MILR1: variants seen among roughly 807,000 people sequenced by gnomAD.
MILR1 encodes the protein allergin-1.
Under a neutral mutation model 18.5 loss-of-function variants are expected in MILR1, and 31 were observed. The ratio of observed to expected loss-of-function variants is 1.68; its 90% CI spans 1.26 to 2.26. MILR1 has a LOEUF of 2.26. MILR1 is among the 30% of genes most tolerant of loss of function. The probability of loss-of-function intolerance (pLI) is 0.00; values close to 1 mark genes in which losing one functional copy is unlikely to be tolerated. For missense variants in MILR1, 257 were observed against 157.4 expected (o/e 1.63, Z -3.38); for synonymous variants, 85 against 56.2 (o/e 1.51, Z -2.30).
At chr17:64,482,419 T>C in the MILR1 span, among the ~76,000 whole-genome samples, 1 of 151,994 alleles carries the variant, frequency 6.6e-6, no homozygotes, top group African/African-American at 2.4e-5. Flanking sequence ...CCTCCTAGGT[T>C]CAAGTGATTC....
chr17:64,487,244 G>A, the MILR1 span: 6 of 152,158 alleles, frequency 3.9e-5, no homozygotes, highest in Admixed American at 3.9e-4. Flanking sequence ...GCCCTCAAAG[G>A]CAGTAAACTT....
chr17:64,485,670 GAACA>G, the MILR1 span: 1 of 1,351,940 alleles, frequency 7.4e-7, no homozygotes, highest in East Asian at 2.3e-5. Flanking sequence ...CTAACATTAA[GAACA>G]AACAAACCCA....
the MILR1 span, among the ~76,000 whole-genome samples, chr17:64,484,721 C>T: frequency 2.6e-5 from 4 of 152,064 alleles, no homozygotes; most frequent in Non-Finnish European, 5.9e-5. Flanking sequence ...AGCTACAAAC[C>T]ATTTATAAAC....
chr17:64,467,889 C>G, intron 9 of MILR1: 1 of 296,104 alleles, frequency 3.4e-6, no homozygotes, highest in Non-Finnish European at 6.2e-6. Context: ...GAGCCAAGAT[C>G]GTGCCACTGC....
intron 5 of MILR1, among the ~76,000 whole-genome samples, chr17:64,463,231 C>A (rs1157822349): frequency 2.0e-5 from 3 of 151,926 alleles, no homozygotes; most frequent in Non-Finnish European, 4.4e-5. Flanking sequence ...TGGTCTTGAA[C>A]TCCTGGACTC....
intron 3 of MILR1, among the ~76,000 whole-genome samples, chr17:64,455,448 C>T (rs1484720708): frequency 6.6e-5 from 10 of 151,844 alleles, no homozygotes; most frequent in Non-Finnish European, 1.2e-4. Flanking sequence ...CACTGATTCA[C>T]TCATCAAAAA....
intron 4 of MILR1, among the ~76,000 whole-genome samples, chr17:64,460,585 A>C (rs1457485122): frequency 6.6e-6 from 1 of 152,102 alleles, no homozygotes; most frequent in South Asian, 2.1e-4. Flanking sequence ...GCCTCAGGCA[A>C]TCCTCCCACC....
chr17:64,495,770 G>A, the MILR1 span, among the ~76,000 whole-genome samples: 25 of 151,668 alleles, frequency 1.6e-4, no homozygotes, highest in African/African-American at 5.3e-4. Flanking sequence ...GTGCAGTGGC[G>A]TGATCTCGGC....
intron 4 of MILR1, among the ~76,000 whole-genome samples, chr17:64,459,999 TA>T: frequency 2.9e-5 from 2 of 68,802 alleles, no homozygotes; most frequent in Admixed American, 1.6e-4. Context: ...TTATTTTATT[TA>T]TTTATTTATT....
chr17:64,472,465 C>CAAAAAAAAAAAA (rs71158332), downstream of MILR1, among the ~76,000 whole-genome samples: 28 of 13,918 alleles, frequency 2.0e-3, 1 homozygote, highest in African/African-American at 2.8e-3. Context: ...GACTCCATCT[C>CAAAAAAAAAAAA]AAAAAAAAAA....
chr17:64,470,748 G>A (rs1313803753), downstream of MILR1, among the ~76,000 whole-genome samples: 17 of 152,184 alleles, frequency 1.1e-4, no homozygotes, highest in African/African-American at 4.1e-4. Context: ...AGCTGGCTGT[G>A]ATAAATGAGA....
downstream of MILR1, among the ~76,000 whole-genome samples, chr17:64,469,436 C>T (rs1240833085): frequency 2.0e-5 from 3 of 152,274 alleles, no homozygotes; most frequent in Non-Finnish European, 2.9e-5. Context: ...CTGGCTCTGT[C>T]GCCCAGGTTG....
the MILR1 span, chr17:64,491,380 A>G: frequency 3.3e-5 from 19 of 571,084 alleles, no homozygotes; most frequent in African/African-American, 3.0e-4. Flanking sequence ...GGATCACTTG[A>G]GCTTAGGACT....
At chr17:64,486,232 T>G in the MILR1 span, among the ~76,000 whole-genome samples, 2 of 152,322 alleles carry the variant, frequency 1.3e-5, no homozygotes, top group East Asian at 3.9e-4. Context: ...TGGTGCTTGG[T>G]TGGGCTCTAT....
At chr17:64,472,191 T>TA (rs1433947510), downstream of MILR1, among the ~76,000 whole-genome samples, 13 of 151,760 alleles carry the variant, frequency 8.6e-5, no homozygotes. Flanking sequence ...ATCCAAAGAA[T>TA]AACTAGGGGC....
chr17:64,478,072 C>T, the MILR1 span: 4 of 1,400,360 alleles, frequency 2.9e-6, no homozygotes, highest in African/African-American at 1.4e-5. Flanking sequence ...ATTCAGTGTT[C>T]ATGCACTCTC....
At chr17:64,453,889 G>A (rs960975430) in intron 3 of MILR1, among the ~76,000 whole-genome samples, 2 of 151,846 alleles carry the variant, frequency 1.3e-5, no homozygotes, top group South Asian at 2.1e-4. Context: ...TATCCAGTAC[G>A]GTACTGTTTA....
At chr17:64,481,690 T>G in the MILR1 span, among the ~76,000 whole-genome samples, 1 of 151,988 alleles carries the variant, frequency 6.6e-6, no homozygotes, top group African/African-American at 2.4e-5. Context: ...CTGGCCAACA[T>G]GGTGAAACCC....
At chr17:64,479,886 C>G in the MILR1 span, among the ~76,000 whole-genome samples, 1 of 152,206 alleles carries the variant, frequency 6.6e-6, no homozygotes, top group African/African-American at 2.4e-5. Flanking sequence ...CCTTAGAAGA[C>G]TAGAACAGAC....
Sources: allele counts gnomAD v4.1 joint callset (sites outside exome capture counted in the v4.1 genomes callset), GRCh38; gene constraint gnomAD v4.1.1; transcripts MANE v1.5; gene names NCBI Gene and HGNC (gene_info 2026-07-23, HGNC 2026-07-21).